The following LRP1B variants were observed in gnomAD, a reference collection of about 807,000 sequenced individuals.
The protein encoded by LRP1B is LDL receptor related protein 1B.
Under a neutral mutation model 556.6 loss-of-function variants are expected in LRP1B, and 217 were observed. The ratio of observed to expected loss-of-function variants is 0.39; its 90% CI spans 0.35 to 0.44. LRP1B has a LOEUF of 0.44. Ranked by LOEUF, LRP1B falls within the 20% of genes least tolerant of loss-of-function variation. The probability of loss-of-function intolerance (pLI) is 1.00; values close to 1 mark genes in which losing one functional copy is unlikely to be tolerated. For missense variants in LRP1B, 5,053 were observed against 5,620.8 expected (o/e 0.90, Z 3.23); for synonymous variants, 2,047 against 1,865.8 (o/e 1.10, Z -2.50).
At chr2:141,027,896 C>T (rs1698259338) in intron 11 of LRP1B, among the ~76,000 whole-genome samples, 1 of 152,074 alleles carries the variant, frequency 6.6e-6, no homozygotes, top group Non-Finnish European at 1.5e-5. Context: ...AGTCTGCAAC[C>T]TGGAAGAGGT....
In LRP1B at chr2:141,217,251, C is replaced by A. The variant is rs191381133; in HGVS notation, c.850+11932G>T. ...CTCAAGATCTAGTGATCTAAAGATG[C>A]ATGGCAACTCCCTCCACTTTCTTGC... On this transcript the variant is annotated intron_variant, in intron 6 of 90. Coordinates refer to ENST00000389484, the MANE Select transcript of LRP1B (RefSeq NM_018557.3). 3.9e-3 allele frequency among the ~76,000 whole-genome samples: 595 copies of A among 152,190 alleles called. 6 individuals are homozygous for A. The highest frequency in any genetic ancestry group is 6.1e-3 in the Non-Finnish European group (417 of 68,008).
chr2:140,885,277 T>G (rs556498145), intron 24 of LRP1B, among the ~76,000 whole-genome samples: 249 of 152,242 alleles, frequency 1.6e-3, no homozygotes, highest in South Asian at 3.1e-3. Flanking sequence ...AATTAACAAT[T>G]TGACAGAGAT....
intron 83 of LRP1B, 126 bp from the exon 84 acceptor site, chr2:140,298,095 G>GC: frequency 1.3e-6 from 1 of 759,824 alleles, no homozygotes; most frequent in Non-Finnish European, 2.0e-6. Context: ...GATTTACTCT[G>GC]TGACTTTAGG....
chr2:141,476,959 A>G (rs1001889548), intron 3 of LRP1B, among the ~76,000 whole-genome samples: 1 of 152,102 alleles, frequency 6.6e-6, no homozygotes, highest in Admixed American at 6.5e-5. Flanking sequence ...CTCCATTTCT[A>G]CCAAAAGTAC....
chr2:142,108,668 C>T (rs1250947737), intron 1 of LRP1B, among the ~76,000 whole-genome samples: 1 of 152,142 alleles, frequency 6.6e-6, no homozygotes, highest in East Asian at 1.9e-4. Flanking sequence ...ACAAAGCTGA[C>T]TGAGGAGGCT....
chr2:140,739,127 T>C (rs1036471440), intron 35 of LRP1B, among the ~76,000 whole-genome samples: 1 of 152,172 alleles, frequency 6.6e-6, no homozygotes, highest in African/African-American at 2.4e-5. Flanking sequence ...AGTATAATCA[T>C]TTGAGTTTGT....
intron 2 of LRP1B, among the ~76,000 whole-genome samples, chr2:141,501,593 T>C (rs973029936): frequency 6.6e-6 from 1 of 152,186 alleles, no homozygotes; most frequent in African/African-American, 2.4e-5. Context: ...TTGTTGAAGT[T>C]GCAGTGGTGA....
chr2:141,479,836 TATC>T (rs1186244062), intron 3 of LRP1B, among the ~76,000 whole-genome samples: 3 of 152,288 alleles, frequency 2.0e-5, no homozygotes, highest in Middle Eastern at 3.4e-3. Flanking sequence ...TTATCCCTCA[TATC>T]ATTAATATCT....
intron 30 of LRP1B, among the ~76,000 whole-genome samples, chr2:140,840,382 T>G (rs1485750098): frequency 6.6e-6 from 1 of 152,226 alleles, no homozygotes; most frequent in Non-Finnish European, 1.5e-5. Context: ...TTTTCTTTGT[T>G]AAGTAATTCA....
chr2:141,422,426 T>G (rs1255940051), intron 3 of LRP1B, among the ~76,000 whole-genome samples: 1 of 152,208 alleles, frequency 6.6e-6, no homozygotes, highest in Non-Finnish European at 1.5e-5. Flanking sequence ...TGTTTTTCTG[T>G]CTTTAAATCT....
At position 140,859,863 on chromosome 2, in the gene LRP1B, C is replaced by T. The variant is rs552718743; in HGVS notation, c.4579+7727G>A. On this transcript the variant is annotated intron_variant, in intron 27 of 90. Coordinates refer to ENST00000389484, the MANE Select transcript of LRP1B (RefSeq NM_018557.3). ...CAAAAAAATTAGCCGAGTGTGGCGG[C>T]GGACACCTGTAGTCCCAGCTACTCG... Among the ~76,000 whole-genome samples, 14 of 152,032 alleles carry T rather than the reference C, an allele frequency of 9.2e-5. No individual in the cohort carries two copies. In the East Asian group the frequency reaches 1.8e-3, roughly 19 times the overall value.
intron 16 of LRP1B, 101 bp from the exon 17 acceptor site, chr2:140,989,758 T>TA: frequency 1.8e-6 from 2 of 1,120,622 alleles, no homozygotes; most frequent in Non-Finnish European, 2.6e-6. Flanking sequence ...AATATTATAG[T>TA]ACAATAAATG....
In LRP1B at chr2:141,949,275, T is replaced by C. The variant is rs573781061; in HGVS notation, c.83-138874A>G. The stretch of plus-strand genomic sequence containing the variant: ...CCCTAAAATTTGTTTTATACCATGA[T>C]CTATTTCAGCATTCAGAAACTCACC... On this transcript the variant is annotated intron_variant, in intron 1 of 90. Transcript: ENST00000389484. Among the ~76,000 whole-genome samples the C allele has an allele frequency of 2.6e-5, 4 of 152,294 alleles. No individual in the cohort carries two copies. The South Asian group carries it at 6.2e-4, about 24-fold the overall frequency.
intron 7 of LRP1B, among the ~76,000 whole-genome samples, chr2:141,161,791 A>C (rs1680044741): frequency 6.6e-6 from 1 of 152,114 alleles, no homozygotes; most frequent in Admixed American, 6.6e-5. Context: ...CAGGATGCTC[A>C]GCTATGACAC....
chr2:141,716,083 G>T (rs554974576), intron 2 of LRP1B, among the ~76,000 whole-genome samples: 55 of 152,246 alleles, frequency 3.6e-4, no homozygotes, highest in African/African-American at 1.3e-3. Context: ...ACCAATGCAG[G>T]TAAAGTGTAC....
intron 10 of LRP1B, among the ~76,000 whole-genome samples, chr2:141,052,913 C>T (rs1288657788): frequency 1.3e-5 from 2 of 152,026 alleles, no homozygotes; most frequent in Admixed American, 6.6e-5. Context: ...GCTGAAATCA[C>T]AGGCCTGAGC....
chr2:141,690,396 A>AATAAATAAAAATATATAT (rs5834858), intron 2 of LRP1B, among the ~76,000 whole-genome samples: 6 of 26,928 alleles, frequency 2.2e-4, no homozygotes, highest in African/African-American at 7.0e-4. Flanking sequence ...TACATCTATA[A>AATAAATAAAAATATATAT]ATATATATAT....
intron 3 of LRP1B, among the ~76,000 whole-genome samples, chr2:141,347,477 A>G (rs1688295858): frequency 6.6e-6 from 1 of 152,076 alleles, no homozygotes; most frequent in Non-Finnish European, 1.5e-5. Flanking sequence ...AATTCTCTGA[A>G]TAACAACAGG....
At chr2:141,412,149 T>C (rs1690875749) in intron 3 of LRP1B, among the ~76,000 whole-genome samples, 1 of 152,158 alleles carries the variant, frequency 6.6e-6, no homozygotes, top group Non-Finnish European at 1.5e-5. Flanking sequence ...CTATCAGCTT[T>C]GGCTAACAGA....
Sources: gnomAD v4.1 joint callset for allele counts (sites outside exome capture counted in the v4.1 genomes callset) on GRCh38, gnomAD v4.1.1 for gene constraint, MANE v1.5 for transcripts, NCBI Gene and HGNC (gene_info 2026-07-23, HGNC 2026-07-21) for gene names.